The following SGCZ variants were observed in gnomAD, a reference collection of about 807,000 sequenced individuals.
SGCZ encodes sarcoglycan zeta.
A neutral mutation model predicts 41.3 loss-of-function variants in SGCZ; 40 were observed. The ratio of observed to expected loss-of-function variants is 0.97; its 90% CI spans 0.75 to 1.26. The LOEUF (loss-of-function observed/expected upper bound fraction) is 1.26, where lower values mean the gene tolerates loss of function less well. Ranked by LOEUF, SGCZ falls within the 50% of genes most tolerant of loss-of-function variation. The pLI is 0.00. For synonymous variants in SGCZ, 206 were observed against 137.5 expected (o/e 1.50, Z -3.49); for missense variants, 552 against 369.8 (o/e 1.49, Z -4.04).
intron 4 of SGCZ, among the ~76,000 whole-genome samples, chr8:14,209,352 G>T (rs1480341674): frequency 2.0e-5 from 3 of 151,500 alleles, no homozygotes; most frequent in Non-Finnish European, 2.9e-5. Context: ...TCTTTCTTTC[G>T]CCTGTTAAAC....
intron 1 of SGCZ, among the ~76,000 whole-genome samples, chr8:14,765,628 A>G (rs911302398): frequency 6.6e-6 from 1 of 152,212 alleles, no homozygotes; most frequent in Non-Finnish European, 1.5e-5. Context: ...GTGCAACAAT[A>G]AAGATACACA....
intron 1 of SGCZ, among the ~76,000 whole-genome samples, chr8:14,623,049 G>T (rs1806335812): frequency 6.6e-6 from 1 of 152,084 alleles, no homozygotes; most frequent in Admixed American, 6.6e-5. Flanking sequence ...TTCTCTCCAG[G>T]AACATACCAA....
At chr8:14,738,864 A>C (rs1799122240) in intron 1 of SGCZ, among the ~76,000 whole-genome samples, 1 of 152,070 alleles carries the variant, frequency 6.6e-6, no homozygotes, top group African/African-American at 2.4e-5. Flanking sequence ...AAATTGGAAC[A>C]GCCTGAATTG....
At chr8:14,709,971 C>T (rs1407639383) in intron 1 of SGCZ, among the ~76,000 whole-genome samples, 4 of 152,164 alleles carry the variant, frequency 2.6e-5, no homozygotes, top group African/African-American at 9.7e-5. Context: ...GAAACTAAGA[C>T]TCAAACCAGG....
At chr8:15,029,947 T>G (rs572914272) in intron 1 of SGCZ, among the ~76,000 whole-genome samples, 1 of 152,160 alleles carries the variant, frequency 6.6e-6, no homozygotes, top group Non-Finnish European at 1.5e-5. Flanking sequence ...TTTTGTTCCA[T>G]TCACTGTGCC....
chr8:15,116,603 AG>A (rs1269716206), intron 1 of SGCZ, among the ~76,000 whole-genome samples: 2 of 152,240 alleles, frequency 1.3e-5, no homozygotes, highest in Non-Finnish European at 2.9e-5. Context: ...GAAGGCTGAC[AG>A]AAAGGGCAAA....
chr8:14,320,289 A>G (rs1801873549), intron 3 of SGCZ, among the ~76,000 whole-genome samples: 1 of 151,834 alleles, frequency 6.6e-6, no homozygotes, highest in African/African-American at 2.4e-5. Flanking sequence ...TATGTATATG[A>G]ATTAGCTAGT....
intron 3 of SGCZ, among the ~76,000 whole-genome samples, chr8:14,291,819 G>C (rs1209992446): frequency 6.6e-6 from 1 of 151,838 alleles, no homozygotes; most frequent in Non-Finnish European, 1.5e-5. Context: ...TATCAAAGTT[G>C]TTTTCTCATG....
chr8:14,650,473 G>A (rs956629712), intron 1 of SGCZ, among the ~76,000 whole-genome samples: 1 of 144,784 alleles, frequency 6.9e-6, no homozygotes, highest in Admixed American at 7.1e-5. Context: ...ACTGCCCAAC[G>A]GTTATTTTTT....
chr8:14,495,337 C>CA lies in SGCZ; in HGVS notation c.234+59394dup, dbSNP rs1253872097. Among the ~76,000 whole-genome samples the CA allele has an allele frequency of 3.3e-5, 5 of 152,206 alleles. No homozygotes were observed. In the East Asian group the frequency reaches 9.7e-4, roughly 29 times the overall value. Reference sequence around the variant, plus strand: ...TTCTTTCATTGAGTAACTATTGCTACAAAAAATATGTCTGCTGAATAAATT... The same window carrying CA: ...TTCTTTCATTGAGTAACTATTGCTACAAAAAAATATGTCTGCTGAATAAATT... On this transcript the variant is annotated intron_variant, in intron 2 of 7. Coordinates refer to ENST00000382080, the MANE Select transcript of SGCZ (RefSeq NM_139167.4).
At position 14,252,661 on chromosome 8, in the gene SGCZ, A is replaced by T. The variant is rs151225490; in HGVS notation, c.337-14982T>A. 3.3e-5 allele frequency among the ~76,000 whole-genome samples: 5 copies of T among 152,240 alleles called. No homozygotes were observed. The East Asian group carries it at 9.7e-4, about 29-fold the overall frequency. On this transcript the variant is annotated intron_variant, in intron 3 of 7. Transcript: ENST00000382080. Reference sequence around the variant, plus strand: ...GTCCTAGAGATGAGTACAAACCTCGAGATAATATAAAGTCGAGGGGGCAGG... The same window carrying T: ...GTCCTAGAGATGAGTACAAACCTCGTGATAATATAAAGTCGAGGGGGCAGG...
intron 1 of SGCZ, among the ~76,000 whole-genome samples, chr8:15,197,366 T>C (rs952490233): frequency 1.3e-5 from 2 of 152,190 alleles, no homozygotes; most frequent in Admixed American, 6.5e-5. Context: ...GGATATAACA[T>C]CTTCACGAAA....
intron 3 of SGCZ, among the ~76,000 whole-genome samples, chr8:14,287,479 C>T (rs1800681775): frequency 6.6e-6 from 1 of 151,740 alleles, no homozygotes; most frequent in South Asian, 2.1e-4. Context: ...AGTTTATTGC[C>T]CTGTAAGATA....
rs185133421 is a variant in SGCZ, at chr8:14,859,700, G to C, written c.40-304774C>G. On this transcript the variant is annotated intron_variant, in intron 1 of 7. Transcript: ENST00000382080. ...TAAAGAAATTCCCAAAGTTACATCT[G>C]CATGATATATGTATTGCAATGATTT... Among the ~76,000 whole-genome samples the C allele has an allele frequency of 4.0e-3, 613 of 152,218 alleles. 4 individuals carry two copies. The highest frequency in any genetic ancestry group is 0.018 in the South Asian group (88 of 4,828).
At chr8:14,347,931 T>C (rs1389551918) in intron 2 of SGCZ, among the ~76,000 whole-genome samples, 1 of 152,134 alleles carries the variant, frequency 6.6e-6, no homozygotes, top group Non-Finnish European at 1.5e-5. Flanking sequence ...AAACTGAGAA[T>C]ATAGCATTAA....
intron 1 of SGCZ, among the ~76,000 whole-genome samples, chr8:15,060,006 C>T (rs1804858976): frequency 6.6e-6 from 1 of 152,186 alleles, no homozygotes; most frequent in Admixed American, 6.5e-5. Context: ...CCTGACATCT[C>T]TATACTAGGC....
chr8:14,780,061 T>C (rs1800537505), intron 1 of SGCZ, among the ~76,000 whole-genome samples: 1 of 152,056 alleles, frequency 6.6e-6, no homozygotes, highest in African/African-American at 2.4e-5. Flanking sequence ...GGCTGACTAC[T>C]GAAGAAGAGA....
intron 1 of SGCZ, among the ~76,000 whole-genome samples, chr8:14,673,698 T>C (rs12681397): frequency 0.56 from 85,157 of 151,970 alleles, 25,261 homozygotes; most frequent in East Asian, 0.76. Context: ...ATGCTTAATA[T>C]GACTTGAATA....
At chr8:14,378,220 T>C (rs1265474629) in intron 2 of SGCZ, among the ~76,000 whole-genome samples, 1 of 151,312 alleles carries the variant, frequency 6.6e-6, no homozygotes, top group Non-Finnish European at 1.5e-5. Flanking sequence ...ATGATCGCCA[T>C]TCTAACTGGT....
Sources: gnomAD v4.1 joint callset for allele counts (sites outside exome capture counted in the v4.1 genomes callset) on GRCh38, gnomAD v4.1.1 for gene constraint, MANE v1.5 for transcripts, NCBI Gene and HGNC (gene_info 2026-07-23, HGNC 2026-07-21) for gene names.